Variants in B4GALNT3 observed in about 807,000 individuals in gnomAD.
B4GALNT3 encodes the protein beta-1,4-N-acetylgalactosaminyltransferase 3.
In B4GALNT3, 86 loss-of-function variants were observed where a neutral mutation model predicts 120.2. That is an observed-to-expected ratio of 0.72 (90% CI 0.60 to 0.86). B4GALNT3 has a LOEUF of 0.86. B4GALNT3 is among the 40% of genes least tolerant of loss of function. B4GALNT3 has a pLI of 0.00. For missense variants in B4GALNT3, 1,167 were observed against 1,298.9 expected (o/e 0.90, Z 1.56); for synonymous variants, 518 against 510.4 (o/e 1.01, Z -0.20).
intron 1 of B4GALNT3, among the ~76,000 whole-genome samples, chr12:481,334 A>G (rs1946240379): frequency 6.6e-6 from 1 of 152,234 alleles, no homozygotes; most frequent in East Asian, 1.9e-4. Flanking sequence ...TAGCACATCA[A>G]GCTCTCAGTG....
At chr12:552,573 G>A (rs776448669) in intron 13 of B4GALNT3, 45 bp downstream of exon 13, 60 of 1,581,384 alleles carry the variant, frequency 3.8e-5, no homozygotes, top group Non-Finnish European at 4.8e-5. Context: ...TGAGAGGGGC[G>A]ACCATGGTCT....
chr12:555,710 G>A (rs1425956909), intron 14 of B4GALNT3, among the ~76,000 whole-genome samples: 1 of 152,166 alleles, frequency 6.6e-6, no homozygotes, highest in East Asian at 1.9e-4. Context: ...AGCAGGGTAT[G>A]AAGATTCCAA....
At chr12:467,794 C>A (rs1453759957) in intron 1 of B4GALNT3, among the ~76,000 whole-genome samples, 2 of 152,192 alleles carry the variant, frequency 1.3e-5, no homozygotes, top group African/African-American at 4.8e-5. Context: ...GAGTTGAGAA[C>A]TGTTGCTCAT....
chr12:522,172 C>T (rs1946717133), intron 1 of B4GALNT3, among the ~76,000 whole-genome samples: 1 of 152,118 alleles, frequency 6.6e-6, no homozygotes, highest in South Asian at 2.1e-4. Flanking sequence ...ATGTGCCTTC[C>T]AAGAGCATGG....
At chr12:479,721 G>T (rs76837407) in intron 1 of B4GALNT3, among the ~76,000 whole-genome samples, 11,770 of 152,148 alleles carry the variant, frequency 0.077, 922 homozygotes, top group African/African-American at 0.2. Flanking sequence ...GAGGACGGCA[G>T]AAGCCACGTT....
intron 1 of B4GALNT3, among the ~76,000 whole-genome samples, chr12:469,574 A>T (rs1248596736): frequency 6.6e-6 from 1 of 152,044 alleles, no homozygotes; most frequent in African/African-American, 2.4e-5. Flanking sequence ...TTCCTCCATG[A>T]TGTTCAGCAA....
chr12:505,347 C>T (rs930822963), intron 1 of B4GALNT3, among the ~76,000 whole-genome samples: 1 of 152,194 alleles, frequency 6.6e-6, no homozygotes, highest in African/African-American at 2.4e-5. Context: ...ACCAGGCCAA[C>T]CTCGCCCAGA....
At chr12:559,267 C>A in intron 18 of B4GALNT3, 28 bp from the exon 19 acceptor site, 1 of 1,613,530 alleles carries the variant, frequency 6.2e-7, no homozygotes. Context: ...TCTGGCTCAT[C>A]TCACCCGAAG....
intron 19 of B4GALNT3, 104 bp downstream of exon 19, chr12:559,525 C>T: frequency 6.6e-7 from 1 of 1,516,236 alleles, no homozygotes. Flanking sequence ...GCCGCAGAGT[C>T]CCAAAGCACA....
chr12:556,912 ACACTGTCAGGAGCACC>A, intron 15 of B4GALNT3, 46 bp downstream of exon 15: 1 of 1,559,458 alleles, frequency 6.4e-7, no homozygotes, highest in Non-Finnish European at 8.7e-7. Flanking sequence ...CGGGGTCCTC[ACACTGTCAGGAGCACC>A]CACATCTGCT....
intron 1 of B4GALNT3, among the ~76,000 whole-genome samples, chr12:522,910 C>T (rs185363488): frequency 7.0e-4 from 97 of 138,458 alleles, no homozygotes; most frequent in Non-Finnish European, 8.3e-4. Flanking sequence ...GTACTCTGCA[C>T]TCCAGCTGGG....
At chr12:523,077 G>A (rs996324824) in intron 1 of B4GALNT3, among the ~76,000 whole-genome samples, 1 of 151,932 alleles carries the variant, frequency 6.6e-6, no homozygotes, top group Non-Finnish European at 1.5e-5. Context: ...TTCCTTCGAG[G>A]CACCTTTGGA....
At chr12:478,291 A>G (rs1946204678) in intron 1 of B4GALNT3, among the ~76,000 whole-genome samples, 1 of 151,936 alleles carries the variant, frequency 6.6e-6, no homozygotes, top group Non-Finnish European at 1.5e-5. Flanking sequence ...GGTAAAAAAA[A>G]AAAAAATATT....
At chr12:511,915 T>TCCAC (rs1592032454) in intron 1 of B4GALNT3, among the ~76,000 whole-genome samples, 3 of 93,862 alleles carry the variant, frequency 3.2e-5, no homozygotes, top group African/African-American at 1.4e-4. Context: ...CCTTCGACCT[T>TCCAC]CTTCCACCTT....
chr12:508,049 A>T (rs1946514960), intron 1 of B4GALNT3, among the ~76,000 whole-genome samples: 1 of 152,212 alleles, frequency 6.6e-6, no homozygotes, highest in South Asian at 2.1e-4. Flanking sequence ...ATTTCTCATG[A>T]TCATCCATTG....
intron 13 of B4GALNT3, 174 bp from the exon 14 acceptor site, chr12:553,020 T>G: frequency 1.2e-6 from 1 of 824,476 alleles, no homozygotes; most frequent in Non-Finnish European, 1.9e-6. Flanking sequence ...GAAACTGGGG[T>G]TAATTGAGGT....
At chr12:511,144 C>T (rs1369249737) in intron 1 of B4GALNT3, among the ~76,000 whole-genome samples, 1 of 149,298 alleles carries the variant, frequency 6.7e-6, no homozygotes, top group African/African-American at 2.5e-5. Flanking sequence ...ATTCTCCCAC[C>T]TCTGCCTCCT....
chr12:553,285 G>C lies in B4GALNT3; in HGVS notation c.1362G>C (p.Glu454Asp). 6.2e-7 allele frequency: 1 copy of C among 1,613,540 alleles called. No homozygotes were observed. Among genetic ancestry groups the C allele is most frequent in the Non-Finnish European group, 8.5e-7 (1 of 1,180,022 alleles). Residue 454 changes from glutamate (E) to aspartate (D), a missense_variant, in exon 14 of 20, where the codon GAG (glutamate) becomes GAC (aspartate). Glu to Asp is a conservative substitution (Grantham distance 45). Transcript: ENST00000266383. ...ACAACCAGAATGCCAGGATGCTTGAGGGAAGACAGACACCTGCCTCCACCC... is the reference window on the plus strand; with the variant it reads ...ACAACCAGAATGCCAGGATGCTTGACGGAAGACAGACACCTGCCTCCACCC... ...ASNNQNARML[E>D]GRQTPASTLE...
At chr12:553,064 T>C (rs1456973706) in intron 13 of B4GALNT3, 130 bp from the exon 14 acceptor site, 22 of 1,350,438 alleles carry the variant, frequency 1.6e-5, no homozygotes, top group Non-Finnish European at 2.1e-5. Flanking sequence ...CAGTAAGCGA[T>C]AGAACCTGGA....
Sources: allele counts gnomAD v4.1 joint callset (sites outside exome capture counted in the v4.1 genomes callset), GRCh38; gene constraint gnomAD v4.1.1; transcripts MANE v1.5; gene names NCBI Gene and HGNC (gene_info 2026-07-23, HGNC 2026-07-21).